The following IL1RAPL1 variants were observed in gnomAD, a reference collection of about 807,000 sequenced individuals.
IL1RAPL1 encodes the protein interleukin 1 receptor accessory protein like 1, also known as interleukin-1 receptor accessory protein-like 1.
IL1RAPL1 carries 3 observed loss-of-function variants against 48.4 expected under a neutral mutation model. The observed-to-expected ratio is 0.06, with a 90% CI of 0.03 to 0.16. The LOEUF is 0.16. Among genes scored for constraint, IL1RAPL1 ranks in the 10% least tolerant of loss-of-function variants. The probability of loss-of-function intolerance (pLI) is 1.00; values close to 1 mark genes in which losing one functional copy is unlikely to be tolerated. For missense variants in IL1RAPL1, 349 were observed against 530.6 expected (o/e 0.66, Z 3.36); for synonymous variants, 185 against 187.7 (o/e 0.99, Z 0.12).
At chrX:28,770,595 T>C (rs1165010658) in intron 1 of IL1RAPL1, among the ~76,000 whole-genome samples, 1 of 112,562 alleles carries the variant, frequency 8.9e-6, no homozygotes, top group African/African-American at 3.2e-5. Flanking sequence ...TTTCTAGCTC[T>C]TAGTGGTATG....
chrX:28,837,279 CTT>C (rs1206411192), intron 2 of IL1RAPL1, among the ~76,000 whole-genome samples: 1 of 110,502 alleles, frequency 9.0e-6, no homozygotes, highest in Non-Finnish European at 1.9e-5. Flanking sequence ...GTGTTACAGT[CTT>C]TTAACCTACT....
chrX:28,949,028 G>GTTA (rs907198228), intron 2 of IL1RAPL1, among the ~76,000 whole-genome samples: 5 of 110,167 alleles, frequency 4.5e-5, no homozygotes, highest in South Asian at 3.8e-4. Context: ...CTATATTATT[G>GTTA]TTATTATTAT....
intron 2 of IL1RAPL1, among the ~76,000 whole-genome samples, chrX:29,056,413 C>T (rs1324435926): frequency 9.0e-6 from 1 of 111,514 alleles, no homozygotes; most frequent in African/African-American, 3.3e-5. Flanking sequence ...ACAATTACCA[C>T]AACACTTCAC....
Position 29,217,773 on chromosome X carries a change from TCTCTCACA to T in IL1RAPL1, c.83-65163_83-65156del, listed in dbSNP as rs1425390313. 6.5e-3 allele frequency among the ~76,000 whole-genome samples: 464 copies of T among 71,016 alleles called. 4 individuals carry two copies. The highest frequency in any genetic ancestry group is 0.032 in the African/African-American group (394 of 12,335). 61.7% of individuals were successfully genotyped at this position (71,016 alleles called of 115,157 possible). On this transcript the variant is annotated intron_variant, in intron 2 of 10. Coordinates refer to ENST00000378993, the MANE Select transcript of IL1RAPL1 (RefSeq NM_014271.4). ...TACATTTTTTCTCTCTCTCTCTCTC[TCTCTCACA>T]CACACACACACACACACACACACAC...
intron 1 of IL1RAPL1, among the ~76,000 whole-genome samples, chrX:28,658,675 T>G (rs1934779930): frequency 1.8e-5 from 2 of 111,357 alleles, no homozygotes; most frequent in Non-Finnish European, 3.8e-5. Context: ...ATCTACTGTA[T>G]GATAAAAATG....
At chrX:28,986,587 C>T (rs1925479477) in intron 2 of IL1RAPL1, among the ~76,000 whole-genome samples, 1 of 112,047 alleles carries the variant, frequency 8.9e-6, no homozygotes, top group Admixed American at 9.5e-5. Flanking sequence ...TGGGTTCTTC[C>T]TTCACTTGTG....
At chrX:29,580,964 A>T (rs1482808812) in intron 5 of IL1RAPL1, among the ~76,000 whole-genome samples, 1 of 112,114 alleles carries the variant, frequency 8.9e-6, no homozygotes, top group Non-Finnish European at 1.9e-5. Flanking sequence ...AACTGAAATA[A>T]CTTTATATTG....
chrX:29,267,348 C>T (rs904241695), intron 2 of IL1RAPL1, among the ~76,000 whole-genome samples: 1 of 112,043 alleles, frequency 8.9e-6, no homozygotes, highest in East Asian at 2.8e-4. Context: ...TGTACATGAA[C>T]TATTGAATAT....
intron 5 of IL1RAPL1, among the ~76,000 whole-genome samples, chrX:29,449,774 C>G (rs201998722): frequency 0.017 from 707 of 40,980 alleles, 5 homozygotes; most frequent in African/African-American, 0.054. Context: ...CACACACACA[C>G]ACACACAGAG....
At chrX:29,110,172 G>A (rs1040885853) in intron 2 of IL1RAPL1, among the ~76,000 whole-genome samples, 4 of 111,946 alleles carry the variant, frequency 3.6e-5, no homozygotes, top group Admixed American at 2.8e-4. Flanking sequence ...TAATGATCAA[G>A]TCCTCCCATG....
chrX:28,716,696 A>G (rs1176975169), intron 1 of IL1RAPL1, among the ~76,000 whole-genome samples: 1 of 112,061 alleles, frequency 8.9e-6, no homozygotes, highest in Non-Finnish European at 1.9e-5. Flanking sequence ...TAAAATAAAG[A>G]GCTTCTGCAC....
intron 5 of IL1RAPL1, among the ~76,000 whole-genome samples, chrX:29,584,175 C>G (rs957341821): frequency 7.2e-5 from 8 of 111,203 alleles, no homozygotes. Flanking sequence ...ACTGTCCATA[C>G]TCTGTCCATA....
At chrX:29,405,685 G>C (rs1220773136) in intron 5 of IL1RAPL1, among the ~76,000 whole-genome samples, 2 of 109,953 alleles carry the variant, frequency 1.8e-5, no homozygotes, top group Non-Finnish European at 3.8e-5. Context: ...TTTCAAGATT[G>C]TCTGTGTTTT....
At chrX:29,270,997 A>G (rs1347949397) in intron 2 of IL1RAPL1, among the ~76,000 whole-genome samples, 2 of 111,469 alleles carry the variant, frequency 1.8e-5, no homozygotes, top group Non-Finnish European at 3.8e-5. Context: ...TAGTTTTTCA[A>G]TGTTCACACT....
At chrX:29,159,471 G>A (rs1309075257) in intron 2 of IL1RAPL1, among the ~76,000 whole-genome samples, 1 of 111,752 alleles carries the variant, frequency 8.9e-6, no homozygotes, top group Non-Finnish European at 1.9e-5. Flanking sequence ...TAAGTGCATT[G>A]TATAAAAGAT....
chrX:28,674,937 C>T (rs1455824475), intron 1 of IL1RAPL1, among the ~76,000 whole-genome samples: 1 of 111,437 alleles, frequency 9.0e-6, no homozygotes, highest in East Asian at 2.8e-4. Context: ...AGACACTGTG[C>T]CTGGCAATAT....
At chrX:29,356,818 T>G (rs1933310766) in intron 3 of IL1RAPL1, among the ~76,000 whole-genome samples, 1 of 111,653 alleles carries the variant, frequency 9.0e-6, no homozygotes. Flanking sequence ...TAAATATCTA[T>G]TTCTGTGCTT....
intron 3 of IL1RAPL1, among the ~76,000 whole-genome samples, chrX:29,306,556 A>T (rs1397631664): frequency 6.2e-5 from 6 of 96,855 alleles, no homozygotes; most frequent in Non-Finnish European, 1.2e-4. Context: ...AAAAAAAACG[A>T]AAAAACCAGA....
intron 2 of IL1RAPL1, among the ~76,000 whole-genome samples, chrX:28,949,201 G>A (rs1431662427): frequency 1.8e-5 from 2 of 110,438 alleles, no homozygotes; most frequent in Non-Finnish European, 3.8e-5. Flanking sequence ...TATATTTTGT[G>A]TACTCATCTT....
Sources: gnomAD v4.1 joint callset for allele counts (sites outside exome capture counted in the v4.1 genomes callset) on GRCh38, gnomAD v4.1.1 for gene constraint, MANE v1.5 for transcripts, NCBI Gene and HGNC (gene_info 2026-07-23, HGNC 2026-07-21) for gene names.